TBC1D19: variants seen among roughly 807,000 people sequenced by gnomAD.
TBC1D19 encodes TBC1 domain family member 19.
TBC1D19 carries 60 observed loss-of-function variants against 89.0 expected under a neutral mutation model. The observed-to-expected ratio is 0.67, with a 90% CI of 0.55 to 0.84. The LOEUF (loss-of-function observed/expected upper bound fraction) is 0.84. Ranked by LOEUF, TBC1D19 falls within the 40% of genes least tolerant of loss-of-function variation. The pLI, the probability that TBC1D19 is intolerant of heterozygous loss-of-function variation, is 0.00. For missense variants in TBC1D19, 500 were observed against 610.8 expected (o/e 0.82, Z 1.91); for synonymous variants, 189 against 199.7 (o/e 0.95, Z 0.45).
At chr4:26,633,800 T>C (rs1015686771) in intron 4 of TBC1D19, among the ~76,000 whole-genome samples, 4 of 152,164 alleles carry the variant, frequency 2.6e-5, no homozygotes, top group African/African-American at 9.6e-5. Flanking sequence ...TTTAATGGCA[T>C]CGGGAACTCA....
chr4:26,835,212 G>T, the TBC1D19 span, among the ~76,000 whole-genome samples: 1 of 152,204 alleles, frequency 6.6e-6, no homozygotes, highest in Admixed American at 6.5e-5. Context: ...AGAGAGTTTA[G>T]AAGATGCAGC....
At chr4:26,856,451 T>C in the TBC1D19 span, among the ~76,000 whole-genome samples, 2,148 of 152,310 alleles carry the variant, frequency 0.014, 59 homozygotes, top group African/African-American at 0.049. Context: ...AGTGCAGATA[T>C]CTCATTGACA....
chr4:26,587,873 GT>G (rs1335575892), intron 1 of TBC1D19, among the ~76,000 whole-genome samples: 1 of 151,782 alleles, frequency 6.6e-6, no homozygotes, highest in Admixed American at 6.6e-5. Flanking sequence ...AGCTTTTGTA[GT>G]TTTTATGTTT....
intron 11 of TBC1D19, among the ~76,000 whole-genome samples, chr4:26,682,207 A>G (rs1236761466): frequency 6.6e-6 from 1 of 152,206 alleles, no homozygotes; most frequent in African/African-American, 2.4e-5. Flanking sequence ...TGTTTCTACC[A>G]TTAAGGAGCC....
At chr4:26,819,015 A>G in the TBC1D19 span, among the ~76,000 whole-genome samples, 2 of 152,172 alleles carry the variant, frequency 1.3e-5, no homozygotes, top group African/African-American at 4.8e-5. Flanking sequence ...TCTGGAAACA[A>G]TGGTTGTGGT....
the TBC1D19 span, among the ~76,000 whole-genome samples, chr4:26,782,790 C>G: frequency 6.7e-6 from 1 of 149,862 alleles, no homozygotes; most frequent in Non-Finnish European, 1.5e-5. Context: ...ACAGAGCATA[C>G]TATATATCCC....
the TBC1D19 span, among the ~76,000 whole-genome samples, chr4:26,817,975 A>ACAT: frequency 1.8e-3 from 189 of 105,200 alleles, no homozygotes; most frequent in African/African-American, 7.5e-3. Context: ...ATTTAAAAAA[A>ACAT]AAAAAAATAT....
the TBC1D19 span, among the ~76,000 whole-genome samples, chr4:26,831,076 A>G: frequency 6.6e-6 from 1 of 152,208 alleles, no homozygotes; most frequent in Admixed American, 6.5e-5. Context: ...CGCAGACACA[A>G]ATTTCATATA....
chr4:26,777,906 C>T, the TBC1D19 span, among the ~76,000 whole-genome samples: 28 of 151,998 alleles, frequency 1.8e-4, no homozygotes, highest in South Asian at 4.2e-4. Flanking sequence ...CATAATAAGA[C>T]GCTGTCTCTA....
intron 1 of TBC1D19, among the ~76,000 whole-genome samples, chr4:26,602,918 T>C (rs1328092515): frequency 6.6e-6 from 1 of 152,254 alleles, no homozygotes; most frequent in Non-Finnish European, 1.5e-5. Flanking sequence ...AAGGCACTTC[T>C]GCATACAGAA....
At chr4:26,635,419 A>T (rs1205951241) in intron 4 of TBC1D19, among the ~76,000 whole-genome samples, 6 of 152,146 alleles carry the variant, frequency 3.9e-5, no homozygotes. Flanking sequence ...CTGGGATCTA[A>T]GAGAATTATT....
intron 9 of TBC1D19, among the ~76,000 whole-genome samples, chr4:26,670,266 C>T (rs1712182053): frequency 6.6e-6 from 1 of 150,454 alleles, no homozygotes; most frequent in South Asian, 2.1e-4. Context: ...TGTTACGGAT[C>T]CCAGACACTT....
chr4:26,732,108 C>T (rs1402761107), intron 15 of TBC1D19, among the ~76,000 whole-genome samples: 1 of 152,096 alleles, frequency 6.6e-6, no homozygotes, highest in Non-Finnish European at 1.5e-5. Context: ...TGAAAGGATG[C>T]AGTGAAATAT....
chr4:26,812,822 C>A, the TBC1D19 span, among the ~76,000 whole-genome samples: 1 of 113,700 alleles, frequency 8.8e-6, no homozygotes, highest in Admixed American at 8.5e-5. The surrounding 1 kb of genome is among the most constrained non-coding windows in gnomAD (Gnocchi z 4.2). Context: ...ATGTGTGTGT[C>A]TATATATGTA....
At chr4:26,747,134 C>T (rs1718694184) in intron 18 of TBC1D19, among the ~76,000 whole-genome samples, 1 of 152,058 alleles carries the variant, frequency 6.6e-6, no homozygotes, top group South Asian at 2.1e-4. Flanking sequence ...AAAGTGAAAC[C>T]GTAGGAGGAT....
chr4:26,596,246 C>T (rs929181677), intron 1 of TBC1D19, among the ~76,000 whole-genome samples: 1 of 152,216 alleles, frequency 6.6e-6, no homozygotes. Context: ...CATGAGCCAC[C>T]GTGCTCGGCC....
chr4:26,655,285 G>T (rs571859351), intron 7 of TBC1D19, among the ~76,000 whole-genome samples: 2 of 152,334 alleles, frequency 1.3e-5, no homozygotes, highest in South Asian at 4.1e-4. Context: ...TGCCCCTACT[G>T]GGGCGTGCCT....
the TBC1D19 span, among the ~76,000 whole-genome samples, chr4:26,774,371 A>G: frequency 1.3e-5 from 2 of 152,230 alleles, no homozygotes; most frequent in Non-Finnish European, 2.9e-5. Context: ...CAGTTTGTCA[A>G]TCTCCACAAT....
intron 16 of TBC1D19, among the ~76,000 whole-genome samples, chr4:26,738,313 A>G (rs1718158915): frequency 6.6e-6 from 1 of 151,514 alleles, no homozygotes; most frequent in Admixed American, 6.6e-5. Context: ...AATCCATACC[A>G]TCTTCAGATT....
Sources: allele counts gnomAD v4.1 joint callset (sites outside exome capture counted in the v4.1 genomes callset), GRCh38; gene constraint gnomAD v4.1.1; non-coding constraint Gnocchi (gnomAD v3.1); transcripts MANE v1.5; gene names NCBI Gene and HGNC (gene_info 2026-07-23, HGNC 2026-07-21).